The following IRS2 variants were observed in gnomAD, a reference collection of about 807,000 sequenced individuals.
The protein encoded by IRS2 is insulin receptor substrate 2.
A neutral mutation model predicts 70.9 loss-of-function variants in IRS2; 28 were observed. The ratio of observed to expected loss-of-function variants is 0.39; its 90% CI spans 0.29 to 0.54. The LOEUF is 0.54. Ranked by LOEUF, IRS2 falls within the 20% of genes least tolerant of loss-of-function variation. The probability of loss-of-function intolerance (pLI) is 0.59; values close to 1 mark genes in which losing one functional copy is unlikely to be tolerated. For synonymous variants in IRS2, 1,217 were observed against 981.9 expected, an observed-to-expected ratio of 1.24 and a Z score of -4.48; for missense variants, 2,081 against 2,024.1, an observed-to-expected ratio of 1.03 and a Z score of -0.54.
chr13:109,781,319 C>A (rs1032850942), intron 1 of IRS2, among the ~76,000 whole-genome samples: 16 of 152,292 alleles, frequency 1.1e-4, no homozygotes, highest in African/African-American at 2.9e-4. Context: ...TCGGAAACTG[C>A]GGGGTTAACA....
chr13:109,759,937 G>A (rs899540160), intron 1 of IRS2, among the ~76,000 whole-genome samples: 1 of 152,124 alleles, frequency 6.6e-6, no homozygotes, highest in Non-Finnish European at 1.5e-5. Flanking sequence ...TTCAAACCTA[G>A]GAATGAGAGT....
At chr13:109,765,130 G>C (rs888938704) in intron 1 of IRS2, among the ~76,000 whole-genome samples, 1 of 152,160 alleles carries the variant, frequency 6.6e-6, no homozygotes. Context: ...GCCACTGGGG[G>C]ACAGCACTTC....
intron 1 of IRS2, among the ~76,000 whole-genome samples, chr13:109,762,203 C>T (rs1877241952): frequency 1.3e-5 from 2 of 152,294 alleles, no homozygotes; most frequent in South Asian, 2.1e-4. Flanking sequence ...GTGAGCTATT[C>T]GTCTATGGCA....
intron 1 of IRS2, among the ~76,000 whole-genome samples, chr13:109,763,158 T>C (rs927808428): frequency 1.3e-5 from 2 of 152,196 alleles, no homozygotes; most frequent in Non-Finnish European, 1.5e-5. Context: ...CACATGAACA[T>C]GGCAACCTTT....
intron 1 of IRS2, among the ~76,000 whole-genome samples, chr13:109,775,134 T>G (rs1473966963): frequency 1.1e-5 from 1 of 90,150 alleles, no homozygotes; most frequent in African/African-American, 3.4e-5. Context: ...TTTTTTTTTT[T>G]GAGACTGAAT....
intron 1 of IRS2, among the ~76,000 whole-genome samples, chr13:109,757,185 A>AT (rs1187245582): frequency 3.3e-5 from 5 of 152,182 alleles, no homozygotes; most frequent in Admixed American, 3.3e-4. Flanking sequence ...AAATTGGAAG[A>AT]TTTTGACCTT....
rs1408184718 is a variant in IRS2 at position 109,784,645 on chromosome 13, G to A, written c.1409C>T (p.Pro470Leu). ...GCCGGGGCCGTGGTGCAGCGGATGC[G>A]GCAGAGGCGGGTGCGGGCCGGGCGG... Reference protein sequence around the residue: ...PPPPGPHPPLPHPLHHGPGQR... With the variant: ...PPPPGPHPPLLHPLHHGPGQR... Residue 470 changes from proline to leucine, a missense_variant, in exon 1 of 2, where the codon CCG (proline) becomes CTG (leucine). Physicochemically the swap from Pro to Leu is moderately conservative, Grantham distance 98 (BLOSUM62 -3). This residue lies in a region of IRS2 where 1,615 missense variants were observed against 1,459.5 expected (regional missense o/e 1.11). Coordinates refer to ENST00000375856, the MANE Select transcript of IRS2 (RefSeq NM_003749.3). The surrounding 1 kb of genome is among the most constrained non-coding windows in gnomAD (Gnocchi z 5.2). The A allele has an allele frequency of 9.5e-6, 12 of 1,269,840 alleles. No homozygotes were observed. The highest frequency in any genetic ancestry group is 3.0e-4 in the Middle Eastern group (1 of 3,302). 78.7% of individuals were successfully genotyped at this position (1,269,840 alleles called of 1,614,324 possible). A position where few individuals can be genotyped will look rare whatever the true frequency, so the allele number is the denominator to read the frequency against.
intron 1 of IRS2, among the ~76,000 whole-genome samples, chr13:109,780,504 T>G (rs776361470): frequency 6.6e-6 from 1 of 152,192 alleles, no homozygotes; most frequent in Non-Finnish European, 1.5e-5. Context: ...TAGTATACGG[T>G]TTTAATAAAG....
intron 1 of IRS2, among the ~76,000 whole-genome samples, chr13:109,762,739 G>C (rs532966386): frequency 6.6e-6 from 1 of 152,142 alleles, no homozygotes; most frequent in African/African-American, 2.4e-5. Flanking sequence ...CAGCCTGCTG[G>C]TCAGGTCCTT....
chr13:109,779,279 G>C (rs4771648), intron 1 of IRS2, among the ~76,000 whole-genome samples: 1 of 152,048 alleles, frequency 6.6e-6, no homozygotes, highest in Non-Finnish European at 1.5e-5. Flanking sequence ...GTCTTCCCAT[G>C]CAGAACAGGA....
rs766694889 is a variant in IRS2 at position 109,784,346 on chromosome 13, C to T, written c.1708G>A (p.Gly570Arg). 6.2e-7 allele frequency: 1 copy of T among 1,609,068 alleles called. No individual in the cohort carries two copies. The highest frequency in any genetic ancestry group is 1.7e-5 in the Admixed American group (1 of 59,942). The change falls in exon 1 of 2, where the codon GGG becomes AGG. Residue 570 changes from glycine to arginine, a missense_variant. Physicochemically the swap from Gly to Arg is moderately radical, Grantham distance 125. This residue lies in a region of IRS2 where 1,615 missense variants were observed against 1,459.5 expected (regional missense o/e 1.11). Coordinates refer to ENST00000375856, the MANE Select transcript of IRS2 (RefSeq NM_003749.3). This position sits in a 1 kb window ranked among gnomAD's most constrained non-coding sequence, Gnocchi z 5.2. ...AGGGAGTAGGTCCTCTTGCGCAGCC[C>T]TCGGTCCAGGTCCTGGGCCGCGTCC... ...SGDAAQDLDR[G>R]LRKRTYSLTT...
At chr13:109,767,728 C>CTTTTTTTTT (rs748211544) in intron 1 of IRS2, among the ~76,000 whole-genome samples, 5 of 119,786 alleles carry the variant, frequency 4.2e-5, no homozygotes, top group Non-Finnish European at 5.2e-5. Context: ...ACCATTTTTC[C>CTTTTTTTTT]TTTTTTTTTT....
At position 109,753,964 on chromosome 13, in the gene IRS2, T is replaced by C. The variant is rs1877049412; in HGVS notation, c.*2340A>G. The stretch of plus-strand genomic sequence containing the variant: ...TATTCTCGTCTCCAGCAGCATCACA[T>C]TGACCCCTATATACAGCGTGTACAG... On this transcript the variant is annotated 3_prime_UTR_variant, in exon 2 of 2. Transcript: ENST00000375856. The C allele has an allele frequency of 4.3e-6, 1 of 232,166 alleles. No individual in the cohort carries two copies. The highest frequency in any genetic ancestry group is 8.5e-6 in the Non-Finnish European group (1 of 117,234). The allele number at this position is 232,166 out of a possible 1,614,324, so 14.4% of individuals were successfully genotyped here.
chr13:109,782,156 C>A lies in IRS2; in HGVS notation c.3898G>T (p.Gly1300Cys), dbSNP rs1226865334. 6.2e-7 allele frequency: 1 copy of A among 1,606,368 alleles called. No homozygotes were observed. The highest frequency in any genetic ancestry group is 1.7e-5 in the Admixed American group (1 of 59,118). Residue 1300 changes from glycine to cysteine, a missense_variant, in exon 1 of 2, where the codon GGC (glycine) becomes TGC (cysteine). Gly to Cys is a radical substitution (Grantham distance 159). Around this residue, in one of 4 missense-constraint regions of IRS2, gnomAD observed 1,615 missense variants for 1,459.5 expected, o/e 1.11. Transcript: ENST00000375856. ...CCCCCGCACCCGCCGCCGGTGCTGC[C>A]GACGCCCACAGCGCTGATGAGACCC... The part of the protein sequence containing the change: ...LGGLISAVGV[G>C]STGGGCGGPG...
chr13:109,783,344 T>C lies in IRS2; in HGVS notation c.2710A>G (p.Met904Val). Residue 904 changes from methionine to valine, a missense_variant, in exon 1 of 2, where the codon ATG (methionine) becomes GTG (valine). Met to Val is a conservative substitution (Grantham distance 21, BLOSUM62 1). Around this residue, in one of 4 missense-constraint regions of IRS2, gnomAD observed 1,615 missense variants for 1,459.5 expected, o/e 1.11. Coordinates refer to ENST00000375856, the MANE Select transcript of IRS2 (RefSeq NM_003749.3). Reference protein sequence around the residue: ...SLEGLPSLPSMHEYPLPPEPK... With the variant: ...SLEGLPSLPSVHEYPLPPEPK... ...TCCGGTGGCAGTGGGTACTCGTGCA[T>C]GCTGGGCAGGCTGGGCAGCCCCTCC... 1 of 1,557,516 alleles carries C rather than the reference T, an allele frequency of 6.4e-7. No homozygotes were observed.
chr13:109,756,237 G>T lies in IRS2; in HGVS notation c.*67C>A. On this transcript the variant is annotated 3_prime_UTR_variant, in exon 2 of 2. Coordinates refer to ENST00000375856, the MANE Select transcript of IRS2 (RefSeq NM_003749.3). Reference sequence around the variant, plus strand: ...GCAAGCAGCTTCGGGCTGAAACAGTGCTGAGCGTCTTCTTTTAATGATACT... The same window carrying T: ...GCAAGCAGCTTCGGGCTGAAACAGTTCTGAGCGTCTTCTTTTAATGATACT... 7.4e-7 allele frequency: 1 copy of T among 1,354,960 alleles called. No homozygotes were observed. Among genetic ancestry groups the T allele is most frequent in the Non-Finnish European group, 1.1e-6 (1 of 943,270 alleles). The allele number at this position is 1,354,960 out of a possible 1,614,324, so 83.9% of individuals were successfully genotyped here.
chr13:109,760,613 G>C (rs1268816721), intron 1 of IRS2, among the ~76,000 whole-genome samples: 2 of 152,198 alleles, frequency 1.3e-5, no homozygotes, highest in Non-Finnish European at 2.9e-5. Flanking sequence ...TCATACGTGG[G>C]ATACAGTCCC....
In IRS2 at chr13:109,783,077, C is replaced by T. The variant is rs1877771991; in HGVS notation, c.2977G>A (p.Ala993Thr). The T allele has an allele frequency of 2.9e-6, 4 of 1,381,592 alleles. No homozygotes were observed. Among genetic ancestry groups the T allele is most frequent in the Admixed American group, 7.0e-5 (2 of 28,628 alleles). 85.6% of individuals were successfully genotyped at this position (1,381,592 alleles called of 1,614,324 possible). The change falls in exon 1 of 2, where the codon GCC becomes ACC. Residue 993 changes from alanine (A) to threonine (T), a missense_variant. Around this residue, in one of 4 missense-constraint regions of IRS2, gnomAD observed 1,615 missense variants for 1,459.5 expected, o/e 1.11. Coordinates refer to ENST00000375856, the MANE Select transcript of IRS2 (RefSeq NM_003749.3). ...FSSPKSPKPGAPSGHPVGSLD... is the reference protein window; with the variant it reads ...FSSPKSPKPGTPSGHPVGSLD... ...GAGCCCACGGGGTGGCCGCTCGGGG[C>T]GCCCGGCTTAGGAGACTTGGGGGAG...
intron 1 of IRS2, among the ~76,000 whole-genome samples, chr13:109,780,280 T>C (rs1438173812): frequency 6.6e-6 from 1 of 152,262 alleles, no homozygotes; most frequent in Non-Finnish European, 1.5e-5. Context: ...ATTATACTGC[T>C]GCTGCTGCTG....
Sources: gnomAD v4.1 joint callset for allele counts (sites outside exome capture counted in the v4.1 genomes callset) on GRCh38, gnomAD v4.1.1 for gene constraint, gnomAD v4.1.1 regional missense constraint, Gnocchi (gnomAD v3.1) non-coding constraint, MANE v1.5 for transcripts, NCBI Gene and HGNC (gene_info 2026-07-23, HGNC 2026-07-21) for gene names.